The following SEC11A variants were observed in gnomAD, a reference collection of about 807,000 sequenced individuals.
The protein encoded by SEC11A is SEC11 homolog A, signal peptidase complex subunit.
SEC11A carries 14 observed loss-of-function variants against 25.6 expected under a neutral mutation model. That is an observed-to-expected ratio of 0.55 (90% CI 0.36 to 0.85). The LOEUF (loss-of-function observed/expected upper bound fraction) is 0.85, where lower values mean the gene tolerates loss of function less well. Ranked by LOEUF, SEC11A falls within the 40% of genes least tolerant of loss-of-function variation. The pLI is 0.01. For synonymous variants in SEC11A, 83 were observed against 76.4 expected (o/e 1.09, Z -0.45); for missense variants, 153 against 222.9 (o/e 0.69, Z 2.00).
chr15:84,694,421 CTTAT>C (rs1189563008), intron 1 of SEC11A, among the ~76,000 whole-genome samples: 3 of 151,784 alleles, frequency 2.0e-5, no homozygotes, highest in African/African-American at 7.3e-5. Context: ...CTAGGCAATT[CTTAT>C]TTATTTCATT....
At chr15:84,684,949 C>CA (rs908793623) in intron 3 of SEC11A, among the ~76,000 whole-genome samples, 26 of 151,510 alleles carry the variant, frequency 1.7e-4, no homozygotes, top group African/African-American at 4.3e-4. Context: ...AAACAAAAAA[C>CA]AAAAAAAACC....
intron 1 of SEC11A, among the ~76,000 whole-genome samples, chr15:84,714,409 G>A (rs907450892): frequency 2.6e-5 from 4 of 152,168 alleles, no homozygotes; most frequent in African/African-American, 7.2e-5. Flanking sequence ...TCTTCTGAGG[G>A]CTTTATATGA....
At chr15:84,687,123 C>T (rs1217186204) in intron 3 of SEC11A, among the ~76,000 whole-genome samples, 5 of 152,126 alleles carry the variant, frequency 3.3e-5, no homozygotes, top group African/African-American at 1.2e-4. Flanking sequence ...CCACCCACCT[C>T]GGCCTCCCAA....
At chr15:84,715,650 TC>T (rs1377430476) in intron 1 of SEC11A, among the ~76,000 whole-genome samples, 4 of 152,248 alleles carry the variant, frequency 2.6e-5, no homozygotes, top group African/African-American at 9.6e-5. Flanking sequence ...ACCTCGTCTC[TC>T]CCGAAACCAC....
intron 1 of SEC11A, among the ~76,000 whole-genome samples, chr15:84,699,825 A>C (rs1596080151): frequency 1.3e-5 from 2 of 151,992 alleles, no homozygotes; most frequent in African/African-American, 2.4e-5. Context: ...TCAGGGAGGC[A>C]AAAGCAATGA....
chr15:84,687,604 G>C (rs1897466430), intron 3 of SEC11A, 21 bp downstream of exon 3: 4 of 1,525,338 alleles, frequency 2.6e-6, no homozygotes, highest in Non-Finnish European at 3.5e-6. Context: ...TAGAAACAAA[G>C]ATGCTATACT....
At chr15:84,715,977 T>G (rs1026971459) in intron 1 of SEC11A, 48 bp downstream of exon 1, 3 of 1,592,600 alleles carry the variant, frequency 1.9e-6, no homozygotes, top group Non-Finnish European at 1.7e-6. Context: ...AGCAGCAGCC[T>G]CGAAGGGACA....
chr15:84,703,196 T>G (rs1332489682), intron 1 of SEC11A, among the ~76,000 whole-genome samples: 1 of 152,172 alleles, frequency 6.6e-6, no homozygotes, highest in Non-Finnish European at 1.5e-5. Context: ...TTGTAGAGAC[T>G]AACAACTTGA....
At chr15:84,701,959 T>G (rs1000561670) in intron 1 of SEC11A, among the ~76,000 whole-genome samples, 8 of 147,668 alleles carry the variant, frequency 5.4e-5, no homozygotes, top group African/African-American at 1.5e-4. Context: ...CCCAGCTACT[T>G]GGGAGGCTGA....
chr15:84,672,479 GGCTGGTCTCCAGCTCCTAACC>G, intron 4 of SEC11A: 1 of 163,470 alleles, frequency 6.1e-6, no homozygotes, highest in Admixed American at 6.5e-5. Flanking sequence ...GTGTTGGCCG[GGCTGGTCTCCAGCTCCTAACC>G]GCGAGTGGTC....
At chr15:84,696,723 C>T (rs1897778723) in intron 1 of SEC11A, among the ~76,000 whole-genome samples, 1 of 151,946 alleles carries the variant, frequency 6.6e-6, no homozygotes, top group African/African-American at 2.4e-5. Flanking sequence ...GGCAGCAAAA[C>T]AAAAATTCAC....
chr15:84,699,979 T>G (rs1897881959), intron 1 of SEC11A, among the ~76,000 whole-genome samples: 1 of 151,916 alleles, frequency 6.6e-6, no homozygotes, highest in Non-Finnish European at 1.5e-5. Flanking sequence ...GGCTTTGGAT[T>G]AGAGTACTCA....
Position 84,709,819 on chromosome 15 carries a change from T to G in SEC11A, c.51+6206A>C, listed in dbSNP as rs9744185. Reference sequence around the variant, plus strand: ...GTGCAGTGGCACAATCTTGATTCACTGCAACCTCCGCCTTCCAGGTTCAAG... The same window carrying G: ...GTGCAGTGGCACAATCTTGATTCACGGCAACCTCCGCCTTCCAGGTTCAAG... On this transcript the variant is annotated intron_variant, in intron 1 of 5. Coordinates refer to ENST00000268220, the MANE Select transcript of SEC11A (RefSeq NM_014300.4). Among the ~76,000 whole-genome samples the G allele has an allele frequency of 5.7e-3, 868 of 152,270 alleles. 3 individuals carry two copies. The highest frequency in any genetic ancestry group is 0.019 in the African/African-American group (804 of 41,544).
chr15:84,712,219 G>C (rs904157997), intron 1 of SEC11A, among the ~76,000 whole-genome samples: 1 of 148,572 alleles, frequency 6.7e-6, no homozygotes, highest in Admixed American at 6.7e-5. Flanking sequence ...TCCAGCCTGG[G>C]CAACAGAGAG....
At chr15:84,694,088 C>T (rs1420692373) in intron 1 of SEC11A, among the ~76,000 whole-genome samples, 1 of 152,126 alleles carries the variant, frequency 6.6e-6, no homozygotes, top group Non-Finnish European at 1.5e-5. Flanking sequence ...GGTGCAGTGG[C>T]TCACATCTGT....
chr15:84,669,585 G>C lies in SEC11A; in HGVS notation c.*434C>G, dbSNP rs1418523446. 6.3e-6 allele frequency: 1 copy of C among 158,368 alleles called. No individual in the cohort carries two copies. The highest frequency in any genetic ancestry group is 1.4e-5 in the Non-Finnish European group (1 of 71,876). 9.8% of individuals were successfully genotyped at this position (158,368 alleles called of 1,614,324 possible). ...TTTTATTTAAAATTTTAGAAGTTAAGACTTACGACCACCTCAGTATATGCC... is the reference window on the plus strand; with the variant it reads ...TTTTATTTAAAATTTTAGAAGTTAACACTTACGACCACCTCAGTATATGCC... On this transcript the variant is annotated 3_prime_UTR_variant, in exon 6 of 6. Transcript: ENST00000268220.
At chr15:84,687,547 T>C (rs553519457) in intron 3 of SEC11A, 78 bp downstream of exon 3, 1 of 1,254,310 alleles carries the variant, frequency 8.0e-7, no homozygotes, top group East Asian at 2.7e-5. Context: ...TTTTACAATC[T>C]TTAGGCTATC....
chr15:84,679,725 G>C (rs1366552361), intron 4 of SEC11A, among the ~76,000 whole-genome samples: 1 of 152,224 alleles, frequency 6.6e-6, no homozygotes, highest in African/African-American at 2.4e-5. Context: ...TATAATCTTA[G>C]ATACATAACC....
chr15:84,715,944 C>T, intron 1 of SEC11A, 81 bp downstream of exon 1: 4 of 1,370,406 alleles, frequency 2.9e-6, no homozygotes, highest in South Asian at 2.4e-5. Context: ...CACACCAGAA[C>T]CCTGGGGTCC....
Sources: allele counts gnomAD v4.1 joint callset (sites outside exome capture counted in the v4.1 genomes callset), GRCh38; gene constraint gnomAD v4.1.1; transcripts MANE v1.5; gene names NCBI Gene and HGNC (gene_info 2026-07-23, HGNC 2026-07-21).